Variants in REPS1 observed in about 807,000 individuals in gnomAD.
REPS1 encodes the protein ralBP1-associated Eps domain-containing protein 1.
In REPS1, 39 loss-of-function variants were observed where a neutral mutation model predicts 100.9. The observed-to-expected ratio is 0.39, with a 90% CI of 0.30 to 0.50. The LOEUF (loss-of-function observed/expected upper bound fraction) is 0.50, where lower values mean the gene tolerates loss of function less well. REPS1 is among the 20% of genes least tolerant of loss of function. REPS1 has a pLI of 0.86. For synonymous variants in REPS1, 324 were observed against 340.3 expected (o/e 0.95, Z 0.53); for missense variants, 821 against 968.5 (o/e 0.85, Z 2.02).
chr6:138,908,501 T>C (rs773713682), intron 18 of REPS1, among the ~76,000 whole-genome samples, 167 bp downstream of exon 18: 2 of 152,178 alleles, frequency 1.3e-5, no homozygotes, highest in Non-Finnish European at 2.9e-5. Flanking sequence ...TTCACCATGT[T>C]GGTCAGGCTG....
chr6:138,912,950 C>A lies in REPS1; in HGVS notation c.1786G>T (p.Ala596Ser). The A allele has an allele frequency of 2.5e-6, 4 of 1,612,162 alleles. No homozygotes were observed. The highest frequency in any genetic ancestry group is 3.4e-6 in the Non-Finnish European group (4 of 1,178,818). The change falls in exon 16 of 20, where the codon GCT becomes TCT. Residue 596 changes from alanine to serine, a missense_variant and splice_region_variant. Coordinates refer to ENST00000450536, the MANE Select transcript of REPS1 (RefSeq NM_001286611.2). ...GGGCGATGCACAGCAGGACCAGGAG[C>A]CTGTGCAATGGTTCAGAACAGAGGA... The part of the protein sequence containing the change: ...AVPPRPQPSQ[A>S]PGPAVHRPVD...
In REPS1 at chr6:138,912,870, T is replaced by G; in HGVS notation, c.1866A>C (p.Pro622=). The G allele has an allele frequency of 6.2e-7, 1 of 1,614,164 alleles. No homozygotes were observed. The highest frequency in any genetic ancestry group is 8.5e-7 in the Non-Finnish European group (1 of 1,180,020). The change falls in exon 16 of 20, where the codon CCA becomes CCC. Residue 622 remains proline, a synonymous_variant. Coordinates refer to ENST00000450536, the MANE Select transcript of REPS1 (RefSeq NM_001286611.2). ...THTSTSPQQI[P]EQPNFADFSQ... ...TGAAATCTGCAAAATTTGGTTGCTCTGGTATCTGCTGAGGTGAGGTACTAG... is the reference window on the plus strand; with the variant it reads ...TGAAATCTGCAAAATTTGGTTGCTCGGGTATCTGCTGAGGTGAGGTACTAG...
chr6:138,932,146 T>C (rs1781520194), intron 8 of REPS1, among the ~76,000 whole-genome samples: 1 of 152,136 alleles, frequency 6.6e-6, no homozygotes, highest in East Asian at 1.9e-4. Flanking sequence ...TTGGGACAGA[T>C]TCTGGGAATA....
chr6:138,965,981 T>G (rs1276306803), intron 1 of REPS1, among the ~76,000 whole-genome samples: 1 of 152,220 alleles, frequency 6.6e-6, no homozygotes, highest in Non-Finnish European at 1.5e-5. Flanking sequence ...ATAGCTCATT[T>G]AATCATCTTA....
At chr6:138,916,022 A>T (rs1422979526) in intron 13 of REPS1, 46 bp from the exon 14 acceptor site, 1 of 1,380,194 alleles carries the variant, frequency 7.2e-7, no homozygotes, top group Non-Finnish European at 1.0e-6. Flanking sequence ...CTGATATCAG[A>T]GCTTTTTTCT....
At chr6:138,943,832 C>T (rs756169078) in intron 6 of REPS1, 21 bp downstream of exon 6, 2 of 1,604,898 alleles carry the variant, frequency 1.2e-6, no homozygotes, top group East Asian at 4.5e-5. Context: ...TCTAGAAGAA[C>T]TTCTGTTTTC....
In REPS1 at chr6:138,908,665, T is replaced by C. The variant is rs774235140; in HGVS notation, c.2216+3A>G. The C allele has an allele frequency of 5.0e-6, 8 of 1,614,040 alleles. No homozygotes were observed. Among genetic ancestry groups the C allele is most frequent in the Non-Finnish European group, 6.8e-6 (8 of 1,179,950 alleles). On this transcript the variant is annotated splice_donor_region_variant and intron_variant, in intron 18 of 19. Coordinates refer to ENST00000450536, the MANE Select transcript of REPS1 (RefSeq NM_001286611.2). ...AAATGTGTCTAGGAATAGCTTTGAT[T>C]ACCTGGGAATAGAAGGTTGTGATGC...
intron 10 of REPS1, among the ~76,000 whole-genome samples, chr6:138,921,619 C>G (rs745700077): frequency 1.5e-5 from 2 of 134,256 alleles, no homozygotes; most frequent in Non-Finnish European, 3.1e-5. Context: ...CTCTGTTGCC[C>G]AGGCTGGAGT....
In REPS1 at chr6:138,908,419, C is replaced by T. The variant is rs544165561; in HGVS notation, c.2216+249G>A. ...AAGCAATTCTCCTACCTCAGCTTCCCGAGTAGCTGGGACTACAGGTGTGTA... is the reference window on the plus strand; with the variant it reads ...AAGCAATTCTCCTACCTCAGCTTCCTGAGTAGCTGGGACTACAGGTGTGTA... On this transcript the variant is annotated intron_variant, in intron 18 of 19. Transcript: ENST00000450536. 2.4e-4 allele frequency among the ~76,000 whole-genome samples: 36 copies of T among 152,192 alleles called. 1 individual carries two copies. The South Asian group carries it at 6.0e-3, about 25-fold the overall frequency.
At chr6:138,947,466 A>G (rs1782714561) in intron 2 of REPS1, among the ~76,000 whole-genome samples, 1 of 152,220 alleles carries the variant, frequency 6.6e-6, no homozygotes, top group African/African-American at 2.4e-5. Flanking sequence ...GGTCGCTGTA[A>G]TTTATCATTT....
chr6:138,938,644 A>T (rs1367301649), intron 8 of REPS1, among the ~76,000 whole-genome samples: 1 of 152,110 alleles, frequency 6.6e-6, no homozygotes, highest in Non-Finnish European at 1.5e-5. Flanking sequence ...GGGAAAAAAA[A>T]CAAAACAGGA....
At chr6:138,944,795 T>C (rs1394382694) in intron 4 of REPS1, among the ~76,000 whole-genome samples, 173 bp from the exon 5 acceptor site, 1 of 152,208 alleles carries the variant, frequency 6.6e-6, no homozygotes, top group African/African-American at 2.4e-5. Flanking sequence ...TGTGCTCTCC[T>C]TGTCAATAAA....
At chr6:138,987,411 G>C in intron 1 of REPS1, 119 bp downstream of exon 1, 1 of 1,122,980 alleles carries the variant, frequency 8.9e-7, no homozygotes, top group Non-Finnish European at 1.2e-6. Context: ...TGCCCGCTGC[G>C]GGGACCCCCC....
rs758644181 is a variant in REPS1 at position 138,915,943 on chromosome 6, T to C, written c.1635A>G (p.Ala545=). The C allele has an allele frequency of 9.3e-6, 15 of 1,613,860 alleles. No individual in the cohort carries two copies. Among genetic ancestry groups the C allele is most frequent in the Non-Finnish European group, 1.2e-5 (14 of 1,179,918 alleles). ...GTGGCCTTGGAGGGGGAGGTGGTGG[T>C]GCAGTGTTATCAGGCGACGTTCCTG... ...SHSGTSPDNT[A]PPPPPPRPQP... Residue 545 remains alanine (A), a synonymous_variant, in exon 14 of 20, where the codon GCA becomes GCG. Transcript: ENST00000450536.
Position 138,915,235 on chromosome 6 carries a change from T to TA in REPS1, c.1721-475dup, listed in dbSNP as rs1161096935. On this transcript the variant is annotated intron_variant, in intron 14 of 19. Coordinates refer to ENST00000450536, the MANE Select transcript of REPS1 (RefSeq NM_001286611.2). ...GTTCTTCAAAAATTAAAAACCTGGG[T>TA]AAGTTATGACTCTTCTTCTTCATCA... 2.5e-5 allele frequency: 4 copies of TA among 160,234 alleles called. No individual in the cohort carries two copies. In the East Asian group the frequency reaches 7.6e-4, roughly 30 times the overall value. The allele number at this position is 160,234 out of a possible 1,614,324, so 9.9% of individuals were successfully genotyped here. A position where few individuals can be genotyped will look rare whatever the true frequency, so the allele number is the denominator to read the frequency against.
intron 1 of REPS1, among the ~76,000 whole-genome samples, chr6:138,970,400 G>T (rs1784277043): frequency 6.7e-6 from 1 of 150,126 alleles, no homozygotes; most frequent in Non-Finnish European, 1.5e-5. Flanking sequence ...AGTTGCAAGG[G>T]AAGTGAAAGG....
intron 19 of REPS1, 67 bp from the exon 20 acceptor site, chr6:138,905,199 G>T: frequency 1.0e-6 from 1 of 959,782 alleles, no homozygotes; most frequent in Non-Finnish European, 1.7e-6. Context: ...TCTAACAACA[G>T]CTCTGCTTCA....
intron 1 of REPS1, among the ~76,000 whole-genome samples, chr6:138,974,537 T>C (rs914900563): frequency 1.3e-5 from 2 of 152,202 alleles, no homozygotes; most frequent in Non-Finnish European, 2.9e-5. Context: ...GTTTTGGGTT[T>C]AAAATGTAAG....
chr6:138,979,192 A>AC, intron 1 of REPS1, among the ~76,000 whole-genome samples: 1 of 145,930 alleles, frequency 6.9e-6, no homozygotes, highest in South Asian at 2.1e-4. Flanking sequence ...AAAAAAAAAA[A>AC]AAAAACAAAA....
Sources: gnomAD v4.1 joint callset for allele counts (sites outside exome capture counted in the v4.1 genomes callset) on GRCh38, gnomAD v4.1.1 for gene constraint, MANE v1.5 for transcripts, NCBI Gene and HGNC (gene_info 2026-07-23, HGNC 2026-07-21) for gene names.